ATAD3B: variants seen among roughly 807,000 people sequenced by gnomAD.
The protein encoded by ATAD3B is ATPase family AAA domain containing 3B.
A neutral mutation model predicts 70.2 loss-of-function variants in ATAD3B; 59 were observed. The ratio of observed to expected loss-of-function variants is 0.84; its 90% confidence interval spans 0.68 to 1.04. The LOEUF (loss-of-function observed/expected upper bound fraction) is 1.04, where lower values mean the gene tolerates loss of function less well. Ranked by LOEUF, ATAD3B falls within the 50% of genes least tolerant of loss-of-function variation. The probability of loss-of-function intolerance (pLI) is 0.00; values close to 1 mark genes in which losing one functional copy is unlikely to be tolerated. For synonymous variants in ATAD3B, 423 were observed against 388.6 expected, an observed-to-expected ratio of 1.09 and a Z score of -1.04; for missense variants, 961 against 913.4, an observed-to-expected ratio of 1.05 and a Z score of -0.67.
intron 8 of ATAD3B, 64 bp downstream of exon 8, chr1:1,485,235 G>A: frequency 3.1e-6 from 5 of 1,587,580 alleles, no homozygotes; most frequent in Non-Finnish European, 3.4e-6. Flanking sequence ...TGCCCCACGA[G>A]CACAGCCCAC....
intron 4 of ATAD3B, among the ~76,000 whole-genome samples, chr1:1,479,560 C>G (rs1032501198): frequency 2.7e-5 from 4 of 145,698 alleles, no homozygotes; most frequent in African/African-American, 7.7e-5. Context: ...CACACACACC[C>G]CGCCACAACA....
At position 1,490,529 on chromosome 1, in the gene ATAD3B, C is replaced by T. The variant is rs1196392279; in HGVS notation, c.1506-34C>T. On this transcript the variant is annotated intron_variant, in intron 14 of 15. Transcript: ENST00000673477. ...CCACCTCATGGTGTGGGGTCCGCGG[C>T]CTTGGCTGCCTCACTTGGGAACTCC... 14 of 1,610,986 alleles carry T rather than the reference C, an allele frequency of 8.7e-6. 1 individual carries two copies. Among genetic ancestry groups the T allele is most frequent in the Non-Finnish European group, 1.2e-5 (14 of 1,178,936 alleles).
At position 1,485,417 on chromosome 1, in the gene ATAD3B, C is replaced by G. The variant is rs569503645; in HGVS notation, c.906+246C>G. ...CTCTTGATGGGGCCTGGGAGCACAT[C>G]GGGGTCCTTGCAAGACCCGGGACTT... is the stretch of plus-strand genomic sequence containing the variant. On this transcript the variant is annotated intron_variant, in intron 8 of 15. Transcript: ENST00000673477. Among the ~76,000 whole-genome samples the G allele has an allele frequency of 1.7e-3, 252 of 152,162 alleles. 2 individuals carry two copies. Among genetic ancestry groups the G allele is most frequent in the Non-Finnish European group, 4.6e-4 (31 of 67,978 alleles).
At position 1,495,589 on chromosome 1, in the gene ATAD3B, G is replaced by T; in HGVS notation, c.1719G>T (p.Lys573Asn). 6.2e-7 allele frequency: 1 copy of T among 1,613,214 alleles called. No individual in the cohort carries two copies. The highest frequency in any genetic ancestry group is 8.5e-7 in the Non-Finnish European group (1 of 1,179,516). Residue 573 changes from lysine to asparagine, a missense_variant, in exon 16 of 16, where the codon AAG becomes AAT. By Grantham distance (94) the Lys-to-Asn change is moderately conservative (BLOSUM62 0). Coordinates refer to ENST00000673477, the MANE Select transcript of ATAD3B (RefSeq NM_031921.6). ...ACCGACAGAAGATGCGCTGGCTGAA[G>T]GCGGAGGGGCCTGGGCGCGGGGTCG... ...QQYRQKMRWL[K>N]AEGPGRGVEH...
chr1:1,499,814 G>A (rs1335948123), downstream of ATAD3B, among the ~76,000 whole-genome samples: 7 of 149,718 alleles, frequency 4.7e-5, no homozygotes, highest in East Asian at 2.0e-4. Context: ...GGCTGGTCTC[G>A]AACTCCCGAC....
In ATAD3B at chr1:1,490,636, G is replaced by T. The variant is rs1291714193; in HGVS notation, c.1579G>T (p.Gly527Cys). 13 of 1,605,312 alleles carry T rather than the reference G, an allele frequency of 8.1e-6. No individual in the cohort carries two copies. The highest frequency in any genetic ancestry group is 9.3e-6 in the Non-Finnish European group (11 of 1,176,880). The change falls in exon 15 of 16, where the codon GGC becomes TGC. Residue 527 changes from glycine (G) to cysteine (C), a missense_variant. Gly to Cys is a radical substitution (Grantham distance 159). Coordinates refer to ENST00000673477, the MANE Select transcript of ATAD3B (RefSeq NM_031921.6). The part of the protein sequence containing the change: ...EVARLTEGMS[G>C]REIAQLAVSW... ...CGCTCGGCTGACGGAGGGCATGTCG[G>T]GCCGGGAGATCGCTCAGCTGGCCGT...
intron 4 of ATAD3B, 100 bp downstream of exon 4, chr1:1,479,208 G>A: frequency 7.0e-7 from 1 of 1,419,598 alleles, no homozygotes; most frequent in Non-Finnish European, 9.5e-7. Flanking sequence ...AAGAACGATG[G>A]GGTTGCTGAC....
chr1:1,509,200 A>G, the ATAD3B span: 18 of 1,612,394 alleles, frequency 1.1e-5, no homozygotes, highest in Admixed American at 8.3e-5. Flanking sequence ...CTCTCTCCCC[A>G]CTAGGCCACG....
chr1:1,501,150 G>A (rs1401641612), downstream of ATAD3B, among the ~76,000 whole-genome samples: 6 of 151,648 alleles, frequency 4.0e-5, no homozygotes, highest in African/African-American at 7.3e-5. Flanking sequence ...GTGCAATGGC[G>A]TGATCTCGGC....
At chr1:1,482,095 G>A in intron 5 of ATAD3B, 43 bp from the exon 6 acceptor site, 1 of 1,588,898 alleles carries the variant, frequency 6.3e-7, no homozygotes, top group Non-Finnish European at 8.6e-7. Context: ...AGGTGGACGT[G>A]CTGCACTGCA....
In ATAD3B at chr1:1,472,063, A is replaced by T. The variant is rs757224727; in HGVS notation, c.179A>T (p.Lys60Met). 17 of 1,166,502 alleles carry T rather than the reference A, an allele frequency of 1.5e-5. No homozygotes were observed. Among genetic ancestry groups the T allele is most frequent in the African/African-American group, 3.5e-5 (2 of 57,298 alleles). The allele number at this position is 1,166,502 out of a possible 1,614,324, so 72.3% of individuals were successfully genotyped here. The change falls in exon 1 of 16, where the codon AAG becomes ATG. Residue 60 changes from lysine to methionine, a missense_variant. Physicochemically the swap from Lys to Met is moderately conservative, Grantham distance 95. Coordinates refer to ENST00000673477, the MANE Select transcript of ATAD3B (RefSeq NM_031921.6). ...CCCACCGGCCTGGAGCGCGCCGCCAAGGCGGCGCGCGAGCTGGAGCACTCG... is the reference window on the plus strand; with the variant it reads ...CCCACCGGCCTGGAGCGCGCCGCCATGGCGGCGCGCGAGCTGGAGCACTCG... ...FDPTGLERAA[K>M]AARELEHSRY...
Position 1,489,922 on chromosome 1 carries a change from C to G in ATAD3B, c.1338-335C>G, listed in dbSNP as rs1308748870. On this transcript the variant is annotated intron_variant, in intron 13 of 15. Transcript: ENST00000673477. ...CATAATCTTGACAGGGACTCTGGGT[C>G]CCGCATCCCTGCTCCCAGCACAGCG... is the stretch of plus-strand genomic sequence containing the variant. 126 of 1,230,566 alleles carry G rather than the reference C, an allele frequency of 1.0e-4. 4 individuals carry two copies. The highest frequency in any genetic ancestry group is 1.3e-4 in the Non-Finnish European group (121 of 967,920). 76.2% of individuals were successfully genotyped at this position (1,230,566 alleles called of 1,614,324 possible).
At chr1:1,498,546 C>T (rs577751581), downstream of ATAD3B, among the ~76,000 whole-genome samples, 2 of 151,774 alleles carry the variant, frequency 1.3e-5, no homozygotes, top group South Asian at 4.2e-4. Context: ...GGTGGGGGTA[C>T]AGCTGGGGAA....
chr1:1,496,017 A>G lies in ATAD3B; in HGVS notation c.*200A>G, dbSNP rs1271052733. 2.2e-6 allele frequency: 3 copies of G among 1,339,806 alleles called. No homozygotes were observed. The highest frequency in any genetic ancestry group is 2.9e-6 in the Non-Finnish European group (3 of 1,046,794). 83.0% of individuals were successfully genotyped at this position (1,339,806 alleles called of 1,614,324 possible). On this transcript the variant is annotated 3_prime_UTR_variant, in exon 16 of 16. Transcript: ENST00000673477. ...GGTCTTTGTTCTCGGCTCCCACAGC[A>G]GAGCCAGGTGAGGGGGGGCCTGCCA...
At chr1:1,487,647 T>C (rs924104581) in intron 11 of ATAD3B, among the ~76,000 whole-genome samples, 1 of 151,774 alleles carries the variant, frequency 6.6e-6, no homozygotes, top group Non-Finnish European at 1.5e-5. Flanking sequence ...CCCTGTGTAG[T>C]TGGTTTCCCA....
At chr1:1,472,166 C>G (rs1639364241) in intron 1 of ATAD3B, 77 bp downstream of exon 1, 11 of 1,349,356 alleles carry the variant, frequency 8.2e-6, no homozygotes, top group South Asian at 4.3e-5. Context: ...GCCCTTGCCG[C>G]TCCTCGCTGC....
In ATAD3B at chr1:1,490,460, C is replaced by T. The variant is rs780446828; in HGVS notation, c.1505+36C>T. On this transcript the variant is annotated intron_variant, in intron 14 of 15. Coordinates refer to ENST00000673477, the MANE Select transcript of ATAD3B (RefSeq NM_031921.6). ...CGCCTCACCCGGCCCCCAATCCAGG[C>T]ACCATATGGCATGGGTGTAGGCCAG... 4.6e-5 allele frequency: 74 copies of T among 1,612,156 alleles called. 1 individual carries two copies. The highest frequency in any genetic ancestry group is 5.6e-5 in the Non-Finnish European group (66 of 1,179,212).
At chr1:1,485,963 T>G in intron 9 of ATAD3B, 125 bp downstream of exon 9, 3 of 1,594,608 alleles carry the variant, frequency 1.9e-6, no homozygotes, top group Non-Finnish European at 2.6e-6. Flanking sequence ...TGCAACTGCT[T>G]GGACTGTGCC....
At chr1:1,507,667 C>T in the ATAD3B span, among the ~76,000 whole-genome samples, 1 of 152,148 alleles carries the variant, frequency 6.6e-6, no homozygotes, top group Non-Finnish European at 1.5e-5. Context: ...GTGGCATCTT[C>T]ATCTGGGTTT....
Sources: gnomAD v4.1 joint callset for allele counts (sites outside exome capture counted in the v4.1 genomes callset) on GRCh38, gnomAD v4.1.1 for gene constraint, MANE v1.5 for transcripts, NCBI Gene and HGNC (gene_info 2026-07-23, HGNC 2026-07-21) for gene names.